The following CNIH3 variants were observed in gnomAD, a reference collection of about 807,000 sequenced individuals.
The protein encoded by CNIH3 is protein cornichon homolog 3.
CNIH3 carries 14 observed loss-of-function variants against 24.1 expected under a neutral mutation model. That is an observed-to-expected ratio of 0.58 (90% CI 0.38 to 0.91). The LOEUF is 0.91. CNIH3 is among the 40% of genes least tolerant of loss of function. CNIH3 has a pLI of 0.00. For missense variants in CNIH3, 178 were observed against 196.8 expected, an observed-to-expected ratio of 0.90 and a Z score of 0.57; for synonymous variants, 68 against 73.8, an observed-to-expected ratio of 0.92 and a Z score of 0.40.
intron 1 of CNIH3, among the ~76,000 whole-genome samples, chr1:224,519,768 C>T (rs1417571418): frequency 6.6e-6 from 1 of 151,216 alleles, no homozygotes; most frequent in East Asian, 1.9e-4. Context: ...TAATATGTAT[C>T]TCCTGTTGGT....
In CNIH3 at chr1:224,680,975, G is replaced by A. The variant is rs1351965123; in HGVS notation, c.99G>A (p.Glu33=). ...TGTTTCAGATAATTGCCTTTGATGA[G>A]TTAAGGACAGATTTTAAGAGCCCCA... ...FAIWHIIAFD[E]LRTDFKSPID... is the part of the protein sequence containing the mutation. Residue 33 remains glutamate, a synonymous_variant, in exon 2 of 6, where the codon GAG becomes GAA. Coordinates refer to ENST00000272133, the MANE Select transcript of CNIH3 (RefSeq NM_152495.2). The A allele has an allele frequency of 6.2e-7, 1 of 1,614,014 alleles. No individual in the cohort carries two copies. Among genetic ancestry groups the A allele is most frequent in the Non-Finnish European group, 8.5e-7 (1 of 1,179,878 alleles).
In CNIH3 at chr1:224,677,851, G is replaced by A. The variant is rs1317700737; in HGVS notation, c.82-3107G>A. ...CTCCATGGGTGCCCAGTCTCTTTGT[G>A]GGGGGCCTATATGTGGGGCACTAAC... On this transcript the variant is annotated intron_variant, in intron 1 of 5. Transcript: ENST00000272133. 9.8e-5 allele frequency among the ~76,000 whole-genome samples: 15 copies of A among 152,328 alleles called. No homozygotes were observed. The East Asian group carries it at 2.9e-3, about 29-fold the overall frequency.
intron 1 of CNIH3, among the ~76,000 whole-genome samples, chr1:224,451,036 T>C (rs146998559): frequency 2.6e-5 from 4 of 152,348 alleles, no homozygotes; most frequent in African/African-American, 7.2e-5. Flanking sequence ...CTTTCTGTGC[T>C]CCCTGAAAAA....
At chr1:224,596,940 G>T (rs1265133886) in intron 3 of CNIH3, among the ~76,000 whole-genome samples, 1 of 152,108 alleles carries the variant, frequency 6.6e-6, no homozygotes, top group Non-Finnish European at 1.5e-5. Context: ...AACACCTGAG[G>T]TCAGGAGGTC....
At chr1:224,619,332 C>A (rs1004862145) in intron 1 of CNIH3, among the ~76,000 whole-genome samples, 3 of 152,258 alleles carry the variant, frequency 2.0e-5, no homozygotes, top group African/African-American at 7.2e-5. Context: ...TCTCAATGCT[C>A]ACCCCCTTAT....
intron 3 of CNIH3, among the ~76,000 whole-genome samples, chr1:224,607,135 A>G (rs1212389232): frequency 6.6e-6 from 1 of 152,232 alleles, no homozygotes; most frequent in Non-Finnish European, 1.5e-5. Flanking sequence ...AGCAACAGAC[A>G]TTGGTTGGCA....
downstream of CNIH3, among the ~76,000 whole-genome samples, chr1:224,590,928 G>A (rs1681730886): frequency 6.6e-6 from 1 of 151,880 alleles, no homozygotes; most frequent in African/African-American, 2.4e-5. Context: ...AGACTTATAG[G>A]GTTCTTGCCT....
chr1:224,665,761 A>G (rs1685569372), intron 1 of CNIH3, among the ~76,000 whole-genome samples: 1 of 151,694 alleles, frequency 6.6e-6, no homozygotes, highest in African/African-American at 2.4e-5. Flanking sequence ...AAAGAGATTT[A>G]CAGTTCCTCC....
At chr1:224,625,535 G>A (rs768364695) in intron 1 of CNIH3, among the ~76,000 whole-genome samples, 1 of 152,218 alleles carries the variant, frequency 6.6e-6, no homozygotes, top group African/African-American at 2.4e-5. Context: ...CAGCCTGGGC[G>A]ACAGAGCGAG....
intron 1 of CNIH3, among the ~76,000 whole-genome samples, chr1:224,668,610 G>A (rs754975945): frequency 1.3e-5 from 2 of 152,200 alleles, no homozygotes; most frequent in Non-Finnish European, 1.5e-5. Context: ...GCTGGCCATG[G>A]ACCCTTGAGG....
At position 224,739,473 on chromosome 1, in the gene CNIH3, G is replaced by T; in HGVS notation, c.*117G>T. On this transcript the variant is annotated 3_prime_UTR_variant, in exon 6 of 6. Coordinates refer to ENST00000272133, the MANE Select transcript of CNIH3 (RefSeq NM_152495.2). ...ATGAGGATACGTGAGAAATAGACCCGGCAGGCAGTCAGACTGAATGGGAGC... is the reference window on the plus strand; with the variant it reads ...ATGAGGATACGTGAGAAATAGACCCTGCAGGCAGTCAGACTGAATGGGAGC... 6.5e-7 allele frequency: 1 copy of T among 1,549,784 alleles called. No homozygotes were observed. Among genetic ancestry groups the T allele is most frequent in the Non-Finnish European group, 8.7e-7 (1 of 1,150,660 alleles).
intron 3 of CNIH3, among the ~76,000 whole-genome samples, chr1:224,687,786 G>C (rs981599665): frequency 1.3e-5 from 2 of 152,180 alleles, no homozygotes. Context: ...TAATTGTATG[G>C]CAGCCAAACA....
intron 1 of CNIH3, chr1:224,435,608 A>G (rs1033075995): frequency 1.3e-5 from 2 of 152,208 alleles, no homozygotes; most frequent in East Asian, 1.9e-4. Context: ...AACATAAACC[A>G]AACAGTTGCC....
At chr1:224,691,727 G>T (rs536436343) in intron 3 of CNIH3, among the ~76,000 whole-genome samples, 3 of 152,332 alleles carry the variant, frequency 2.0e-5, no homozygotes, top group Admixed American at 1.3e-4. Flanking sequence ...GTAGTGGATG[G>T]ATTATTTTCA....
At chr1:224,441,678 A>G (rs974809141) in intron 1 of CNIH3, among the ~76,000 whole-genome samples, 2 of 152,226 alleles carry the variant, frequency 1.3e-5, no homozygotes, top group Non-Finnish European at 2.9e-5. Flanking sequence ...CTGTAGATGT[A>G]ATGGACCAAT....
At chr1:224,696,434 T>C (rs1005042338) in intron 3 of CNIH3, among the ~76,000 whole-genome samples, 9 of 152,160 alleles carry the variant, frequency 5.9e-5, no homozygotes, top group African/African-American at 1.9e-4. Flanking sequence ...GAGTGAGGAC[T>C]TAGGAGGACG....
chr1:224,595,920 T>C (rs1681959163), intron 3 of CNIH3, among the ~76,000 whole-genome samples: 1 of 152,198 alleles, frequency 6.6e-6, no homozygotes, highest in Non-Finnish European at 1.5e-5. Context: ...ATAGAAAAGT[T>C]TGAAGCTAGC....
Position 224,616,347 on chromosome 1 carries a change from G to A in CNIH3, c.-828G>A. Reference sequence around the variant, plus strand: ...GGCAAAGGCGGCGGCGGCGGCGGCGGCAGCGGCAGCAGCAGGTGGAGCGAG... The same window carrying A: ...GGCAAAGGCGGCGGCGGCGGCGGCGACAGCGGCAGCAGCAGGTGGAGCGAG... On this transcript the variant is annotated 5_prime_UTR_variant, in exon 1 of 6. Transcript: ENST00000272133. The A allele has an allele frequency of 9.5e-6, 5 of 528,732 alleles. No homozygotes were observed. The highest frequency in any genetic ancestry group is 5.7e-5 in the Admixed American group (1 of 17,486). 32.8% of individuals were successfully genotyped at this position (528,732 alleles called of 1,614,324 possible). A position where few individuals can be genotyped will look rare whatever the true frequency, so the allele number is the denominator to read the frequency against.
At chr1:224,628,080 T>C (rs1683630526) in intron 1 of CNIH3, among the ~76,000 whole-genome samples, 1 of 152,084 alleles carries the variant, frequency 6.6e-6, no homozygotes, top group African/African-American at 2.4e-5. Flanking sequence ...GACTCTATTG[T>C]TTAATAGTCT....
Sources: allele counts gnomAD v4.1 joint callset (sites outside exome capture counted in the v4.1 genomes callset), GRCh38; gene constraint gnomAD v4.1.1; transcripts MANE v1.5; gene names NCBI Gene and HGNC (gene_info 2026-07-23, HGNC 2026-07-21).